ABTB2: variants seen among roughly 807,000 people sequenced by gnomAD.
ABTB2 encodes the protein ankyrin repeat and BTB domain containing 2.
A neutral mutation model predicts 104.1 loss-of-function variants in ABTB2; 56 were observed. The ratio of observed to expected loss-of-function variants is 0.54; its 90% CI spans 0.43 to 0.67. ABTB2 has a LOEUF of 0.67. Among genes scored for constraint, ABTB2 ranks in the 30% least tolerant of loss-of-function variants. The pLI is 0.00. For missense variants in ABTB2, 1,279 were observed against 1,407.7 expected, an observed-to-expected ratio of 0.91 and a Z score of 1.46; for synonymous variants, 606 against 608.2, an observed-to-expected ratio of 1.00 and a Z score of 0.05.
chr11:34,331,722 A>G (rs909484700), intron 1 of ABTB2, among the ~76,000 whole-genome samples: 7 of 152,248 alleles, frequency 4.6e-5, no homozygotes, highest in Admixed American at 4.6e-4. Context: ...ACCCAGAAGA[A>G]GTGATAATCT....
At chr11:34,307,178 G>C (rs1854787390) in intron 1 of ABTB2, among the ~76,000 whole-genome samples, 1 of 152,046 alleles carries the variant, frequency 6.6e-6, no homozygotes, top group Non-Finnish European at 1.5e-5. Flanking sequence ...CTGTGGGTGA[G>C]AGCCCTCCAT....
At position 34,152,324 on chromosome 11, in the gene ABTB2, C is replaced by A. The variant is rs1231764373; in HGVS notation, c.*63G>T. ...GGCTCCAAGAGGGCCTACAACCATA[C>A]CCCGACATGGTGGGCCCTGGCACCT... On this transcript the variant is annotated 3_prime_UTR_variant, in exon 17 of 17. Coordinates refer to ENST00000435224, the MANE Select transcript of ABTB2 (RefSeq NM_145804.3). 1.1e-5 allele frequency: 17 copies of A among 1,503,540 alleles called. No homozygotes were observed. The highest frequency in any genetic ancestry group is 2.5e-5 in the South Asian group (2 of 79,762). The allele number at this position is 1,503,540 out of a possible 1,614,324, so 93.1% of individuals were successfully genotyped here. A position where few individuals can be genotyped will look rare whatever the true frequency, so the allele number is the denominator to read the frequency against.
Position 34,154,235 on chromosome 11 carries a change from A to G in ABTB2, c.2880+30T>C. The G allele has an allele frequency of 6.5e-7, 1 of 1,544,954 alleles. No homozygotes were observed. ...CCCGTGGAGCAGAGCATGTGGTGGG[A>G]GGTGGCCAGCAGGCATCCTTGGCCC... is the stretch of plus-strand genomic sequence containing the variant. On this transcript the variant is annotated intron_variant, in intron 16 of 16. Coordinates refer to ENST00000435224, the MANE Select transcript of ABTB2 (RefSeq NM_145804.3). This position sits in a 1 kb window ranked among gnomAD's most constrained non-coding sequence, Gnocchi z 4.9.
intron 1 of ABTB2, among the ~76,000 whole-genome samples, chr11:34,354,010 G>A (rs1286108862): frequency 1.3e-5 from 2 of 152,190 alleles, no homozygotes; most frequent in East Asian, 3.8e-4. Context: ...TCAGACATAA[G>A]TAATTCATTG....
At chr11:34,326,412 C>T (rs1331954007) in intron 1 of ABTB2, among the ~76,000 whole-genome samples, 1 of 152,132 alleles carries the variant, frequency 6.6e-6, no homozygotes, top group East Asian at 1.9e-4. Flanking sequence ...CACTTGAGGC[C>T]AAGAGTTCAA....
At chr11:34,237,354 T>G (rs1012755293) in intron 1 of ABTB2, among the ~76,000 whole-genome samples, 4 of 149,320 alleles carry the variant, frequency 2.7e-5, no homozygotes, top group Non-Finnish European at 5.9e-5. Context: ...CTCAGCTCAC[T>G]GCAACCTCCA....
chr11:34,212,890 C>G (rs1475978935), intron 1 of ABTB2, among the ~76,000 whole-genome samples: 3 of 152,214 alleles, frequency 2.0e-5, no homozygotes, highest in Non-Finnish European at 4.4e-5. Context: ...CACTTAACAA[C>G]TGCTTAAGAA....
chr11:34,283,015 T>C (rs961925977), intron 1 of ABTB2, among the ~76,000 whole-genome samples: 12 of 151,342 alleles, frequency 7.9e-5, no homozygotes, highest in African/African-American at 2.9e-4. Flanking sequence ...TTCACGCCAT[T>C]CCCCAGCCTC....
chr11:34,306,982 T>TAAAAAAAA (rs61161318), intron 1 of ABTB2, among the ~76,000 whole-genome samples: 1 of 94,566 alleles, frequency 1.1e-5, no homozygotes, highest in Non-Finnish European at 2.2e-5. Context: ...TCAGGAAACT[T>TAAAAAAAA]AAAAAAAAAA....
chr11:34,197,523 C>G lies in ABTB2; in HGVS notation c.1046G>C (p.Arg349Pro). The G allele has an allele frequency of 2.5e-6, 4 of 1,574,964 alleles. No individual in the cohort carries two copies. Among genetic ancestry groups the G allele is most frequent in the Non-Finnish European group, 2.6e-6 (3 of 1,167,044 alleles). The change falls in exon 3 of 17, where the codon CGT becomes CCT. Residue 349 changes from arginine to proline, a missense_variant. Physicochemically the swap from Arg to Pro is moderately radical, Grantham distance 103 (BLOSUM62 -2). Coordinates refer to ENST00000435224, the MANE Select transcript of ABTB2 (RefSeq NM_145804.3). ...SISELSDLVS[R>P]AMHHMQGRHP... is the part of the protein sequence containing the mutation. ...ACGCCCCTGCATGTGGTGCATGGCA[C>G]GGGAGACCAAGTCACCTGGTGGGGG...
At chr11:34,314,104 G>A (rs1428953292) in intron 1 of ABTB2, among the ~76,000 whole-genome samples, 2 of 152,222 alleles carry the variant, frequency 1.3e-5, no homozygotes, top group African/African-American at 4.8e-5. Flanking sequence ...TGGTCACAGA[G>A]TGATGAGGGA....
At chr11:34,283,221 T>C (rs1564923123) in intron 1 of ABTB2, among the ~76,000 whole-genome samples, 1 of 151,034 alleles carries the variant, frequency 6.6e-6, no homozygotes, top group African/African-American at 2.4e-5. Flanking sequence ...CCCGGCCATC[T>C]TTTTCTTTTT....
intron 1 of ABTB2, among the ~76,000 whole-genome samples, chr11:34,240,109 A>G (rs1297505888): frequency 2.0e-5 from 3 of 152,228 alleles, no homozygotes; most frequent in African/African-American, 4.8e-5. Flanking sequence ...ACTGCTACTC[A>G]TTATAGCCCA....
chr11:34,239,242 G>A (rs956106415), intron 1 of ABTB2, among the ~76,000 whole-genome samples: 2 of 152,168 alleles, frequency 1.3e-5, no homozygotes, highest in African/African-American at 2.4e-5. Context: ...TTTACGTAGC[G>A]CCTGGGTTTG....
At chr11:34,220,220 G>C (rs557850604) in intron 1 of ABTB2, among the ~76,000 whole-genome samples, 2 of 152,268 alleles carry the variant, frequency 1.3e-5, no homozygotes, top group Admixed American at 1.3e-4. Flanking sequence ...GTAAGAAAAC[G>C]ATCACTGGAC....
intron 1 of ABTB2, among the ~76,000 whole-genome samples, chr11:34,249,903 T>C (rs1161213935): frequency 6.6e-6 from 1 of 152,200 alleles, no homozygotes; most frequent in African/African-American, 2.4e-5. Context: ...GTGGCCTGGC[T>C]GTGAAATGAG....
At chr11:34,214,957 C>T (rs566566687) in intron 1 of ABTB2, among the ~76,000 whole-genome samples, 2 of 152,328 alleles carry the variant, frequency 1.3e-5, no homozygotes, top group South Asian at 4.1e-4. Context: ...TTCTAAATTG[C>T]TAACCAGTAG....
chr11:34,173,352 G>T, intron 3 of ABTB2, 45 bp from the exon 4 acceptor site: 1 of 1,524,732 alleles, frequency 6.6e-7, no homozygotes, highest in Non-Finnish European at 8.8e-7. Flanking sequence ...TGGGGTCCCT[G>T]CAGGGCAGCA....
At chr11:34,197,000 G>A (rs921940097) in intron 3 of ABTB2, among the ~76,000 whole-genome samples, 1 of 152,198 alleles carries the variant, frequency 6.6e-6, no homozygotes, top group African/African-American at 2.4e-5. Context: ...TTTCTAGGTG[G>A]GTGTGACTAT....
Sources: allele counts gnomAD v4.1 joint callset (sites outside exome capture counted in the v4.1 genomes callset), GRCh38; gene constraint gnomAD v4.1.1; non-coding constraint Gnocchi (gnomAD v3.1); transcripts MANE v1.5; gene names NCBI Gene and HGNC (gene_info 2026-07-23, HGNC 2026-07-21).